The following TNFRSF8 variants were observed in gnomAD, a reference collection of about 807,000 sequenced individuals.
TNFRSF8 encodes the protein tumor necrosis factor receptor superfamily member 8.
Under a neutral mutation model 70.8 loss-of-function variants are expected in TNFRSF8, and 26 were observed. The observed-to-expected ratio is 0.37, with a 90% CI of 0.27 to 0.51. The LOEUF (loss-of-function observed/expected upper bound fraction) is 0.51. TNFRSF8 is among the 20% of genes least tolerant of loss of function. The pLI, the probability that TNFRSF8 is intolerant of heterozygous loss-of-function variation, is 0.94. For missense variants in TNFRSF8, 720 were observed against 807.9 expected (o/e 0.89, Z 1.32); for synonymous variants, 356 against 339.2 (o/e 1.05, Z -0.54).
At position 12,141,787 on chromosome 1, in the gene TNFRSF8, T is replaced by G. The variant is rs1219981163; in HGVS notation, c.1544-500T>G. Among the ~76,000 whole-genome samples, 3 of 152,104 alleles carry G rather than the reference T, an allele frequency of 2.0e-5. No individual in the cohort carries two copies. Among genetic ancestry groups the G allele is most frequent in the East Asian group, 1.9e-4 (1 of 5,188 alleles). ...ACCAGGCGGAGTGGGTGGTTTTTTT[T>G]TGGGGGATTTCTCCTAACTACGTGG... On this transcript the variant is annotated intron_variant, in intron 14 of 14. Transcript: ENST00000263932. This position sits in a 1 kb window ranked among gnomAD's most constrained non-coding sequence, Gnocchi z 5.4.
intron 10 of TNFRSF8, among the ~76,000 whole-genome samples, chr1:12,125,651 G>A (rs1011194410): frequency 3.3e-5 from 5 of 152,128 alleles, no homozygotes; most frequent in South Asian, 2.1e-4. Flanking sequence ...CCGGGCCCTC[G>A]TCCACAGTCC....
chr1:12,122,982 T>G (rs1319132629), intron 8 of TNFRSF8, among the ~76,000 whole-genome samples: 1 of 151,948 alleles, frequency 6.6e-6, no homozygotes, highest in Non-Finnish European at 1.5e-5. Flanking sequence ...GTGTGTGCCA[T>G]CACACCTGGC....
intron 1 of TNFRSF8, among the ~76,000 whole-genome samples, chr1:12,075,199 G>T (rs1477120731): frequency 1.3e-5 from 2 of 151,284 alleles, no homozygotes; most frequent in Non-Finnish European, 2.9e-5. Flanking sequence ...AGCCGAGATT[G>T]CACCACTACA....
intron 1 of TNFRSF8, among the ~76,000 whole-genome samples, chr1:12,082,559 A>C (rs1641083733): frequency 1.3e-5 from 2 of 151,060 alleles, no homozygotes; most frequent in African/African-American, 4.8e-5. Flanking sequence ...CAAAAAAAAA[A>C]AAAACAAAAA....
In TNFRSF8 at chr1:12,138,938, C is replaced by T. The variant is rs1642204731; in HGVS notation, c.1543+502C>T. Reference sequence around the variant, plus strand: ...AGTGGCACAGCTGGAACTCGTCCCGCATCTGCTGGGCCTTGAAGCCCGTGG... The same window carrying T: ...AGTGGCACAGCTGGAACTCGTCCCGTATCTGCTGGGCCTTGAAGCCCGTGG... On this transcript the variant is annotated intron_variant, in intron 14 of 14. Coordinates refer to ENST00000263932, the MANE Select transcript of TNFRSF8 (RefSeq NM_001243.5). This position sits in a 1 kb window ranked among gnomAD's most constrained non-coding sequence, Gnocchi z 5.7. Among the ~76,000 whole-genome samples the T allele has an allele frequency of 7.1e-6, 1 of 140,116 alleles. No homozygotes were observed. The highest frequency in any genetic ancestry group is 2.2e-4 in the South Asian group (1 of 4,510). The allele number at this position is 140,116 out of a possible 152,430, so 91.9% of individuals were successfully genotyped here. A position where few individuals can be genotyped will look rare whatever the true frequency, so the allele number is the denominator to read the frequency against.
At position 12,119,747 on chromosome 1, in the gene TNFRSF8, A is replaced by G. The variant is rs1027617950; in HGVS notation, c.947-3537A>G. On this transcript the variant is annotated intron_variant, in intron 8 of 14. Transcript: ENST00000263932. The surrounding 1 kb of genome is among the most constrained non-coding windows in gnomAD (Gnocchi z 4.4). ...CTCCCACAGTGCTGAGATTACTGGC[A>G]TGAGCCACCATGACTGGCCGATTCT... is the stretch of plus-strand genomic sequence containing the variant. Among the ~76,000 whole-genome samples the G allele has an allele frequency of 2.6e-5, 4 of 152,086 alleles. No homozygotes were observed. The highest frequency in any genetic ancestry group is 2.0e-4 in the Admixed American group (3 of 15,264).
At chr1:12,140,442 C>T (rs76869754) in intron 14 of TNFRSF8, among the ~76,000 whole-genome samples, 79 of 152,306 alleles carry the variant, frequency 5.2e-4, no homozygotes, top group African/African-American at 1.7e-3. Flanking sequence ...ACTTCCTCAC[C>T]TGCCCTCCCC....
chr1:12,082,943 C>A (rs75532642), intron 1 of TNFRSF8, among the ~76,000 whole-genome samples: 2,413 of 151,898 alleles, frequency 0.016, 59 homozygotes, highest in African/African-American at 0.055. Context: ...ATGTAAAGAA[C>A]CCTACACATC....
chr1:12,102,685 C>T (rs2100992996), intron 3 of TNFRSF8, among the ~76,000 whole-genome samples: 1 of 151,510 alleles, frequency 6.6e-6, no homozygotes, highest in Admixed American at 6.6e-5. Context: ...ACCACCACAC[C>T]TGGCTAATTT....
At chr1:12,125,299 G>A (rs949531794) in intron 10 of TNFRSF8, among the ~76,000 whole-genome samples, 1 of 152,200 alleles carries the variant, frequency 6.6e-6, no homozygotes, top group Non-Finnish European at 1.5e-5. Context: ...TAAGAGCGTG[G>A]CCCTGCAGTC....
chr1:12,125,798 C>A, intron 10 of TNFRSF8, 153 bp from the exon 11 acceptor site: 1 of 710,334 alleles, frequency 1.4e-6, no homozygotes, highest in South Asian at 1.6e-5. Flanking sequence ...CGAGGGAGGG[C>A]TGGATGAGAT....
Position 12,138,553 on chromosome 1 carries a change from G to A in TNFRSF8, c.1543+117G>A. On this transcript the variant is annotated intron_variant, in intron 14 of 14. Transcript: ENST00000263932. This position sits in a 1 kb window ranked among gnomAD's most constrained non-coding sequence, Gnocchi z 5.7. ...CCTGGAGTTGAAAGGCCCAGGAAAG[G>A]AGAGGCATAGATTCTTCACCCCAAT... 9.7e-7 allele frequency: 1 copy of A among 1,028,670 alleles called. No homozygotes were observed. The highest frequency in any genetic ancestry group is 1.4e-6 in the Non-Finnish European group (1 of 715,782). 63.7% of individuals were successfully genotyped at this position (1,028,670 alleles called of 1,614,324 possible). A position where few individuals can be genotyped will look rare whatever the true frequency, so the allele number is the denominator to read the frequency against.
intron 8 of TNFRSF8, among the ~76,000 whole-genome samples, chr1:12,122,385 G>A (rs1404352670): frequency 1.3e-5 from 2 of 151,716 alleles, no homozygotes; most frequent in Non-Finnish European, 2.9e-5. Flanking sequence ...GGTGGCTCAC[G>A]CCTACGATCC....
chr1:12,140,656 C>T (rs111961440), intron 14 of TNFRSF8, among the ~76,000 whole-genome samples: 89 of 152,322 alleles, frequency 5.8e-4, no homozygotes, highest in Middle Eastern at 3.4e-3. Context: ...GCTGCTTCCT[C>T]ACCCAGAGCA....
chr1:12,138,357 C>G lies in TNFRSF8; in HGVS notation c.1464C>G (p.Ala488=). The change falls in exon 14 of 15, where the codon GCC becomes GCG. Residue 488 remains alanine (A), a synonymous_variant. Coordinates refer to ENST00000263932, the MANE Select transcript of TNFRSF8 (RefSeq NM_001243.5). This position sits in a 1 kb window ranked among gnomAD's most constrained non-coding sequence, Gnocchi z 5.7. ...AYLESLPLQD[A]SPAGGPSSPR... ...TGGAGAGCCTGCCGCTGCAGGATGCCAGCCCGGCCGGGGGCCCCTCGTCCC... is the reference window on the plus strand; with the variant it reads ...TGGAGAGCCTGCCGCTGCAGGATGCGAGCCCGGCCGGGGGCCCCTCGTCCC... The G allele has an allele frequency of 6.2e-7, 1 of 1,613,730 alleles. No homozygotes were observed.
In TNFRSF8 at chr1:12,064,448, C is replaced by T. The variant is rs11569792; in HGVS notation, c.63+787C>T. Among the ~76,000 whole-genome samples, 1,146 of 152,284 alleles carry T rather than the reference C, an allele frequency of 7.5e-3. 14 individuals carry two copies. Among genetic ancestry groups the T allele is most frequent in the African/African-American group, 0.027 (1,106 of 41,546 alleles). ...CCAGGGGCTGCTGGAGAGAGAGGCC[C>T]TCAGCTGACCCAGGACCCCGGTGGA... On this transcript the variant is annotated intron_variant, in intron 1 of 14. Coordinates refer to ENST00000263932, the MANE Select transcript of TNFRSF8 (RefSeq NM_001243.5).
chr1:12,091,034 T>C (rs1012824871), intron 2 of TNFRSF8, among the ~76,000 whole-genome samples: 1 of 152,108 alleles, frequency 6.6e-6, no homozygotes, highest in Non-Finnish European at 1.5e-5. Context: ...GACAAGACTG[T>C]GGGAGGACAT....
intron 3 of TNFRSF8, among the ~76,000 whole-genome samples, 162 bp downstream of exon 3, chr1:12,097,379 A>T (rs1641349650): frequency 6.6e-6 from 1 of 152,104 alleles, no homozygotes; most frequent in South Asian, 2.1e-4. Flanking sequence ...TTGTGATTTG[A>T]TATCAGCCAT....
rs1225012991 is a variant in TNFRSF8, at chr1:12,125,996, G to C, written c.1199G>C (p.Gly400Ala). 6.2e-7 allele frequency: 1 copy of C among 1,613,840 alleles called. No homozygotes were observed. The highest frequency in any genetic ancestry group is 8.5e-7 in the Non-Finnish European group (1 of 1,179,940). ...WVILVLVVVVGSSAFLLCHRR... is the reference protein window; with the variant it reads ...WVILVLVVVVASSAFLLCHRR... ...ATCCTGGTGTTGGTTGTGGTGGTCG[G>C]CTCCAGCGCCTTCCTCCTGTGCCAC... The change falls in exon 11 of 15, where the codon GGC (glycine) becomes GCC (alanine). Residue 400 changes from glycine (G) to alanine (A), a missense_variant. Physicochemically the swap from Gly to Ala is moderately conservative, Grantham distance 60. Coordinates refer to ENST00000263932, the MANE Select transcript of TNFRSF8 (RefSeq NM_001243.5).
Sources: gnomAD v4.1 joint callset for allele counts (sites outside exome capture counted in the v4.1 genomes callset) on GRCh38, gnomAD v4.1.1 for gene constraint, Gnocchi (gnomAD v3.1) non-coding constraint, MANE v1.5 for transcripts, NCBI Gene and HGNC (gene_info 2026-07-23, HGNC 2026-07-21) for gene names.